STX8: variants seen among roughly 807,000 people sequenced by gnomAD.
STX8 encodes the protein syntaxin-8.
STX8 carries 23 observed loss-of-function variants against 37.5 expected under a neutral mutation model. The ratio of observed to expected loss-of-function variants is 0.61; its 90% confidence interval spans 0.44 to 0.87. The LOEUF (loss-of-function observed/expected upper bound fraction) is 0.87, where lower values mean the gene tolerates loss of function less well. STX8 is among the 40% of genes least tolerant of loss of function. The pLI is 0.00. For synonymous variants in STX8, 115 were observed against 99.1 expected (o/e 1.16, Z -0.95); for missense variants, 313 against 284.7 (o/e 1.10, Z -0.71).
chr17:9,369,778 A>T (rs1911343740), intron 7 of STX8, among the ~76,000 whole-genome samples: 1 of 149,596 alleles, frequency 6.7e-6, no homozygotes, highest in South Asian at 2.2e-4. Flanking sequence ...CTGTAGTCCC[A>T]GGTACTCAGC....
intron 7 of STX8, among the ~76,000 whole-genome samples, chr17:9,296,240 G>C (rs1908534202): frequency 6.6e-6 from 1 of 152,108 alleles, no homozygotes; most frequent in South Asian, 2.1e-4. Context: ...CAGCTACTCG[G>C]GAGGCTGAGG....
chr17:9,548,425 G>A (rs776307014), intron 3 of STX8: 4 of 152,126 alleles, frequency 2.6e-5, no homozygotes, highest in Non-Finnish European at 4.4e-5. Flanking sequence ...TTCTTGATAG[G>A]AATGCAAACA....
intron 6 of STX8, among the ~76,000 whole-genome samples, chr17:9,390,522 CAAA>C (rs1161307121): frequency 8.7e-6 from 1 of 115,470 alleles, no homozygotes; most frequent in Non-Finnish European, 1.8e-5. Context: ...AACTCCGTCT[CAAA>C]AAAAAAAAAA....
intron 7 of STX8, among the ~76,000 whole-genome samples, chr17:9,307,803 G>A (rs1909053882): frequency 6.6e-6 from 1 of 151,938 alleles, no homozygotes; most frequent in Non-Finnish European, 1.5e-5. Context: ...GCCCCTCTTT[G>A]TCCTCTGAGT....
chr17:9,372,418 C>A (rs545098078), intron 7 of STX8, among the ~76,000 whole-genome samples: 1 of 152,034 alleles, frequency 6.6e-6, no homozygotes, highest in Non-Finnish European at 1.5e-5. Context: ...ATTTGCCTGC[C>A]CCTCTCAGGC....
chr17:9,378,216 C>T (rs886538378), intron 7 of STX8: 16 of 196,990 alleles, frequency 8.1e-5, no homozygotes, highest in Non-Finnish European at 1.1e-4. Flanking sequence ...TATTTTAAGA[C>T]GGCACAAAAG....
intron 3 of STX8, among the ~76,000 whole-genome samples, chr17:9,551,847 CT>C (rs1906771637): frequency 1.3e-5 from 2 of 151,760 alleles, no homozygotes; most frequent in Admixed American, 1.3e-4. Flanking sequence ...CCAATGGCAC[CT>C]AGACATTCAG....
chr17:9,306,031 C>T (rs1908972608), intron 7 of STX8, among the ~76,000 whole-genome samples: 1 of 152,158 alleles, frequency 6.6e-6, no homozygotes, highest in South Asian at 2.1e-4. Context: ...CCATGAGCCA[C>T]TGTGCCTGGC....
At chr17:9,329,130 A>AGGTGCTCT (rs1198702207) in intron 7 of STX8, among the ~76,000 whole-genome samples, 1 of 150,944 alleles carries the variant, frequency 6.6e-6, no homozygotes, top group East Asian at 2.0e-4. Context: ...AATGGGACTA[A>AGGTGCTCT]GGTGCTCTGG....
chr17:9,289,825 T>C (rs377270869), intron 7 of STX8, among the ~76,000 whole-genome samples: 1 of 151,516 alleles, frequency 6.6e-6, no homozygotes, highest in African/African-American at 2.4e-5. Flanking sequence ...AAAATGACAA[T>C]AAGTTCCAAA....
chr17:9,311,759 A>G (rs1909196275), intron 7 of STX8, among the ~76,000 whole-genome samples: 1 of 152,236 alleles, frequency 6.6e-6, no homozygotes, highest in Non-Finnish European at 1.5e-5. Flanking sequence ...GATGGTTGTG[A>G]GGATTCAATG....
intron 6 of STX8, among the ~76,000 whole-genome samples, chr17:9,480,200 AGCC>A (rs1383432086): frequency 1.3e-5 from 2 of 152,202 alleles, no homozygotes; most frequent in Non-Finnish European, 2.9e-5. Flanking sequence ...GAGGGGAAGG[AGCC>A]GTGACAACAG....
intron 6 of STX8, among the ~76,000 whole-genome samples, chr17:9,489,935 G>A (rs1007624836): frequency 3.3e-5 from 5 of 151,962 alleles, no homozygotes; most frequent in African/African-American, 7.3e-5. Flanking sequence ...TGATCCACCC[G>A]CCTCAGCCTG....
At chr17:9,286,704 A>G (rs1213285640) in intron 7 of STX8, among the ~76,000 whole-genome samples, 1 of 150,786 alleles carries the variant, frequency 6.6e-6, no homozygotes, top group African/African-American at 2.5e-5. Context: ...AAAAAAAAAA[A>G]GTCCTGTTAG....
intron 6 of STX8, among the ~76,000 whole-genome samples, chr17:9,444,356 G>T (rs1177994834): frequency 2.6e-5 from 4 of 152,180 alleles, no homozygotes; most frequent in Admixed American, 2.6e-4. Flanking sequence ...TTGGTTTCTG[G>T]ATTATCCTGC....
At chr17:9,280,298 G>A (rs1025534271) in intron 7 of STX8, among the ~76,000 whole-genome samples, 1 of 152,190 alleles carries the variant, frequency 6.6e-6, no homozygotes, top group African/African-American at 2.4e-5. Context: ...AGTGGCTCAC[G>A]CCTGTAATCC....
intron 7 of STX8, among the ~76,000 whole-genome samples, chr17:9,362,546 C>A (rs766270064): frequency 6.6e-6 from 1 of 151,990 alleles, no homozygotes; most frequent in Non-Finnish European, 1.5e-5. Context: ...TGGCTGGGCG[C>A]GGTGGCTCAC....
chr17:9,452,078 C>G (rs1046721622), intron 6 of STX8: 7 of 152,024 alleles, frequency 4.6e-5, no homozygotes, highest in Non-Finnish European at 8.8e-5. Flanking sequence ...ATGACAATTT[C>G]ACCATTATGA....
chr17:9,352,150 TA>T lies in STX8; in HGVS notation c.643+26401del, dbSNP rs551344446. Among the ~76,000 whole-genome samples, 844 of 111,078 alleles carry T rather than the reference TA, an allele frequency of 7.6e-3. 8 individuals are homozygous for T. The highest frequency in any genetic ancestry group is 0.018 in the African/African-American group (546 of 30,186). The allele number at this position is 111,078 out of a possible 152,430, so 72.9% of individuals were successfully genotyped here. A position where few individuals can be genotyped will look rare whatever the true frequency, so the allele number is the denominator to read the frequency against. ...CTGGGTGACAGAGCAAGATCCTGCC[TA>T]AAAAAAAAAAAAAAGAAAAACAACA... On this transcript the variant is annotated intron_variant, in intron 7 of 7. Coordinates refer to ENST00000306357, the MANE Select transcript of STX8 (RefSeq NM_004853.3).
Sources: gnomAD v4.1 joint callset for allele counts (sites outside exome capture counted in the v4.1 genomes callset) on GRCh38, gnomAD v4.1.1 for gene constraint, MANE v1.5 for transcripts, NCBI Gene and HGNC (gene_info 2026-07-23, HGNC 2026-07-21) for gene names.